RBFOX1: variants seen among roughly 807,000 people sequenced by gnomAD.
RBFOX1 encodes the protein RNA binding protein fox-1 homolog 1.
Under a neutral mutation model 57.7 loss-of-function variants are expected in RBFOX1, and 8 were observed. The ratio of observed to expected loss-of-function variants is 0.14; its 90% CI spans 0.08 to 0.25. RBFOX1 has a LOEUF of 0.25. RBFOX1 is among the 10% of genes least tolerant of loss of function. The probability of loss-of-function intolerance (pLI) is 1.00; values close to 1 mark genes in which losing one functional copy is unlikely to be tolerated. For missense variants in RBFOX1, 611 were observed against 548.5 expected (o/e 1.11, Z -1.14); for synonymous variants, 326 against 222.4 (o/e 1.47, Z -4.15).
intron 2 of RBFOX1, among the ~76,000 whole-genome samples, chr16:6,433,738 C>T (rs531691233): frequency 1.3e-5 from 2 of 152,056 alleles, no homozygotes; most frequent in Non-Finnish European, 2.9e-5. Context: ...GGGACTGCCA[C>T]TTTCCTTGGC....
At chr16:7,612,664 C>A (rs978715215) in intron 10 of RBFOX1, among the ~76,000 whole-genome samples, 1 of 151,844 alleles carries the variant, frequency 6.6e-6, no homozygotes, top group African/African-American at 2.4e-5. Context: ...ATCACGATAT[C>A]CAGCCAATGA....
chr16:6,474,400 G>T (rs903015048), intron 2 of RBFOX1, among the ~76,000 whole-genome samples: 2 of 152,172 alleles, frequency 1.3e-5, no homozygotes, highest in Non-Finnish European at 2.9e-5. Context: ...GGAGCCAAAG[G>T]CTTTTGAGGA....
chr16:6,403,745 G>C (rs778646695), intron 2 of RBFOX1, among the ~76,000 whole-genome samples: 1 of 152,066 alleles, frequency 6.6e-6, no homozygotes, highest in African/African-American at 2.4e-5. Flanking sequence ...TGGAGGCATC[G>C]AGCCCTATGT....
chr16:7,389,690 A>C (rs74012533), intron 4 of RBFOX1, among the ~76,000 whole-genome samples: 2,298 of 152,320 alleles, frequency 0.015, 60 homozygotes, highest in African/African-American at 0.053. Context: ...GCTGGAGTTT[A>C]CAGTATGTAC....
At chr16:6,368,799 G>T (rs1045555233) in intron 2 of RBFOX1, among the ~76,000 whole-genome samples, 1 of 152,104 alleles carries the variant, frequency 6.6e-6, no homozygotes. Flanking sequence ...TTTCAATGTT[G>T]GTAGTAACAT....
At chr16:5,431,908 A>G (rs2067749272) in intron 1 of RBFOX1, among the ~76,000 whole-genome samples, 1 of 152,132 alleles carries the variant, frequency 6.6e-6, no homozygotes, top group African/African-American at 2.4e-5. Context: ...TGAGGACCAC[A>G]GTTCCAGTAG....
At chr16:7,340,363 A>G (rs2096869733) in intron 4 of RBFOX1, among the ~76,000 whole-genome samples, 1 of 152,236 alleles carries the variant, frequency 6.6e-6, no homozygotes, top group Non-Finnish European at 1.5e-5. Flanking sequence ...GCCATTGATC[A>G]TATTTACTAG....
chr16:7,537,633 T>C (rs1267709961), intron 5 of RBFOX1, among the ~76,000 whole-genome samples: 1 of 152,160 alleles, frequency 6.6e-6, no homozygotes, highest in East Asian at 1.9e-4. Flanking sequence ...ATGAGATGCA[T>C]CCATCCTGAC....
At chr16:6,899,755 A>C (rs2067983753) in intron 3 of RBFOX1, among the ~76,000 whole-genome samples, 2 of 152,252 alleles carry the variant, frequency 1.3e-5, no homozygotes, top group African/African-American at 4.8e-5. Flanking sequence ...CTCAACATTT[A>C]CATGAATGAA....
At chr16:5,423,724 T>C (rs2067426756) in intron 1 of RBFOX1, among the ~76,000 whole-genome samples, 1 of 152,216 alleles carries the variant, frequency 6.6e-6, no homozygotes, top group Non-Finnish European at 1.5e-5. Flanking sequence ...GATTGTACCT[T>C]TGAGTGGCTC....
At chr16:6,517,993 G>C (rs149491871) in intron 2 of RBFOX1, among the ~76,000 whole-genome samples, 6 of 152,260 alleles carry the variant, frequency 3.9e-5, no homozygotes, top group African/African-American at 1.4e-4. Flanking sequence ...GACCCACTGA[G>C]TTAAATGATG....
At chr16:6,954,185 TACTC>T (rs554697192) in intron 3 of RBFOX1, among the ~76,000 whole-genome samples, 325 of 152,302 alleles carry the variant, frequency 2.1e-3, no homozygotes, top group Non-Finnish European at 3.9e-3. Flanking sequence ...GTCAAAAAGT[TACTC>T]ACATATTTAT....
chr16:7,468,990 G>T (rs1301722807), intron 4 of RBFOX1, among the ~76,000 whole-genome samples: 2 of 151,952 alleles, frequency 1.3e-5, no homozygotes, highest in South Asian at 2.1e-4. Context: ...CTGGAGTGCA[G>T]TGTTGCCATC....
chr16:7,665,336 C>G lies in RBFOX1; in HGVS notation c.930+368C>G, dbSNP rs193168680. Among the ~76,000 whole-genome samples, 355 of 152,276 alleles carry G rather than the reference C, an allele frequency of 2.3e-3. 1 individual carries two copies. The highest frequency in any genetic ancestry group is 8.3e-3 in the African/African-American group (346 of 41,558). ...TATTTAGGATAACAGCTGTAGTCAC[C>G]AGCTGCAGAGGGTTAAAAGATATTT... On this transcript the variant is annotated intron_variant, in intron 13 of 15. Coordinates refer to ENST00000550418, the MANE Select transcript of RBFOX1 (RefSeq NM_018723.4).
chr16:6,794,732 C>T (rs769679367), intron 3 of RBFOX1, among the ~76,000 whole-genome samples: 3 of 152,102 alleles, frequency 2.0e-5, no homozygotes, highest in Non-Finnish European at 4.4e-5. Flanking sequence ...AGCTTGGATC[C>T]AGTATTCTTC....
intron 3 of RBFOX1, among the ~76,000 whole-genome samples, chr16:6,768,650 T>G (rs28379893): frequency 0.12 from 17,402 of 151,242 alleles, 1,210 homozygotes; most frequent in African/African-American, 0.19. Context: ...ATATATTCAT[T>G]AGTATGCGTA....
intron 2 of RBFOX1, among the ~76,000 whole-genome samples, chr16:6,541,065 G>A (rs1221193167): frequency 6.6e-6 from 1 of 152,186 alleles, no homozygotes; most frequent in East Asian, 1.9e-4. Context: ...TACTTTTAGA[G>A]ATGGAAAAGC....
At chr16:7,465,824 C>A (rs776756635) in intron 4 of RBFOX1, among the ~76,000 whole-genome samples, 6 of 152,174 alleles carry the variant, frequency 3.9e-5, no homozygotes, top group African/African-American at 2.4e-5. Context: ...CTTGTCTACA[C>A]CGAAGTGCTG....
intron 4 of RBFOX1, among the ~76,000 whole-genome samples, chr16:7,258,802 C>A (rs1177041286): frequency 6.6e-6 from 1 of 152,132 alleles, no homozygotes; most frequent in Non-Finnish European, 1.5e-5. Flanking sequence ...AAGGGTTCCT[C>A]TAACTGATGT....
Sources: gnomAD v4.1 joint callset for allele counts (sites outside exome capture counted in the v4.1 genomes callset) on GRCh38, gnomAD v4.1.1 for gene constraint, MANE v1.5 for transcripts, NCBI Gene and HGNC (gene_info 2026-07-23, HGNC 2026-07-21) for gene names.